CDC42BPB: variants seen among roughly 807,000 people sequenced by gnomAD.
The protein encoded by CDC42BPB is CDC42 binding protein kinase beta, also known as serine/threonine-protein kinase MRCK beta.
In CDC42BPB, 37 loss-of-function variants were observed where a neutral mutation model predicts 214.9. The observed-to-expected ratio is 0.17, with a 90% confidence interval of 0.13 to 0.23. CDC42BPB has a LOEUF of 0.23. Ranked by LOEUF, CDC42BPB falls within the 10% of genes least tolerant of loss-of-function variation. The pLI, the probability that CDC42BPB is intolerant of heterozygous loss-of-function variation, is 1.00. For missense variants in CDC42BPB, 1,694 were observed against 2,227.0 expected (o/e 0.76, Z 4.82); for synonymous variants, 931 against 884.0 (o/e 1.05, Z -0.94).
At position 102,939,575 on chromosome 14, in the gene CDC42BPB, G is replaced by T. The variant is rs781591159; in HGVS notation, c.4827+35C>A. 9.5e-6 allele frequency: 14 copies of T among 1,471,478 alleles called. No individual in the cohort carries two copies. In the East Asian group the frequency reaches 2.9e-4, roughly 31 times the overall value. The allele number at this position is 1,471,478 out of a possible 1,614,324, so 91.2% of individuals were successfully genotyped here. ...GCCTGAGCGGGGAGGAGGAGATGGG[G>T]TGCCCTGCCCGCCCTATCCCGGCCG... is the stretch of plus-strand genomic sequence containing the variant. On this transcript the variant is annotated intron_variant, in intron 34 of 36. Transcript: ENST00000361246.
chr14:103,056,957 G>C, intron 1 of CDC42BPB, 42 bp downstream of exon 1: 1 of 1,296,158 alleles, frequency 7.7e-7, no homozygotes, highest in Non-Finnish European at 1.0e-6. Context: ...GGGGCGCGGG[G>C]GTCGCAGAGC....
At chr14:102,984,507 T>C (rs1894146490) in intron 6 of CDC42BPB, among the ~76,000 whole-genome samples, 1 of 152,102 alleles carries the variant, frequency 6.6e-6, no homozygotes, top group Non-Finnish European at 1.5e-5. Context: ...AGACCGCTCC[T>C]ACCCCCGCAA....
At chr14:103,035,848 T>A (rs1887633923) in intron 1 of CDC42BPB, among the ~76,000 whole-genome samples, 3 of 148,516 alleles carry the variant, frequency 2.0e-5, no homozygotes, top group South Asian at 4.3e-4. Flanking sequence ...TCAAAAAAAA[T>A]AAAAAATAAA....
chr14:102,958,975 G>A (rs1442631543), intron 21 of CDC42BPB, among the ~76,000 whole-genome samples: 2 of 79,040 alleles, frequency 2.5e-5, no homozygotes, highest in Non-Finnish European at 5.1e-5. Context: ...ACCCATCCCA[G>A]TGTGAGAATT....
At chr14:102,977,818 G>A (rs1386841403) in intron 9 of CDC42BPB, among the ~76,000 whole-genome samples, 3 of 152,160 alleles carry the variant, frequency 2.0e-5, no homozygotes, top group Non-Finnish European at 1.5e-5. Context: ...GCACCATCAC[G>A]AGCATGAATG....
At chr14:103,011,539 G>GT (rs1461775832) in intron 2 of CDC42BPB, among the ~76,000 whole-genome samples, 1 of 152,196 alleles carries the variant, frequency 6.6e-6, no homozygotes, top group Non-Finnish European at 1.5e-5. Context: ...GAGGCCAGGA[G>GT]TTTGAGACCA....
intron 29 of CDC42BPB, 81 bp downstream of exon 29, chr14:102,945,581 A>C: frequency 3.1e-6 from 4 of 1,270,814 alleles, no homozygotes; most frequent in Non-Finnish European, 4.6e-6. Context: ...CTTAACCCTT[A>C]GGAGCTACTG....
rs1365230903 is a variant in CDC42BPB at position 102,971,949 on chromosome 14, T to C, written c.1854A>G (p.Glu618=). 1 of 1,614,220 alleles carries C rather than the reference T, an allele frequency of 6.2e-7. No individual in the cohort carries two copies. Among genetic ancestry groups the C allele is most frequent in the African/African-American group, 1.3e-5 (1 of 75,060 alleles). The change falls in exon 13 of 37, where the codon GAA becomes GAG. Residue 618 remains glutamate, a synonymous_variant. Coordinates refer to ENST00000361246, the MANE Select transcript of CDC42BPB (RefSeq NM_006035.4). Reference sequence around the variant, plus strand: ...TCCTGAGCTTCTCAGCTCTCCGCATTTCCTGCCGCATGGCGTCCACCTTCT... The same window carrying C: ...TCCTGAGCTTCTCAGCTCTCCGCATCTCCTGCCGCATGGCGTCCACCTTCT... ...ATQKVDAMRQ[E]MRRAEKLRKE... is the part of the protein sequence containing the mutation.
intron 29 of CDC42BPB, chr14:102,945,029 C>A (rs1892091530): frequency 9.8e-6 from 3 of 306,516 alleles, no homozygotes. Flanking sequence ...ACACGGCCCC[C>A]AGGCTAACCC....
intron 1 of CDC42BPB, among the ~76,000 whole-genome samples, chr14:103,042,398 C>T (rs1888053074): frequency 6.6e-6 from 1 of 152,108 alleles, no homozygotes; most frequent in Non-Finnish European, 1.5e-5. Flanking sequence ...CAAGGCTCCG[C>T]CTCCCGGGTT....
intron 5 of CDC42BPB, among the ~76,000 whole-genome samples, chr14:102,987,788 A>ACACACACACACACACACACAC (rs1894312194): frequency 7.1e-6 from 1 of 140,760 alleles, no homozygotes; most frequent in African/African-American, 2.7e-5. Context: ...CAAACACACA[A>ACACACACACACACACACACAC]ACACACACAC....
At chr14:103,039,360 G>T (rs1046065801) in intron 1 of CDC42BPB, among the ~76,000 whole-genome samples, 8 of 148,018 alleles carry the variant, frequency 5.4e-5, no homozygotes, top group Non-Finnish European at 1.2e-4. Flanking sequence ...ATGAATAGAT[G>T]CCAAAATCTT....
rs1895134315 is a variant in CDC42BPB at position 103,004,298 on chromosome 14, C to T, written c.352-275G>A. The T allele has an allele frequency of 4.5e-6, 3 of 668,468 alleles. No homozygotes were observed. Among genetic ancestry groups the T allele is most frequent in the South Asian group, 6.7e-5 (2 of 30,004 alleles). The allele number at this position is 668,468 out of a possible 1,614,324, so 41.4% of individuals were successfully genotyped here. ...TTCTGTGGCTGACACTTAGATTCAC[C>T]CCACCCTTATGTGGATTCCTGACTG... On this transcript the variant is annotated intron_variant, in intron 3 of 36. Coordinates refer to ENST00000361246, the MANE Select transcript of CDC42BPB (RefSeq NM_006035.4). This position sits in a 1 kb window ranked among gnomAD's most constrained non-coding sequence, Gnocchi z 5.3.
rs771002666 is a variant in CDC42BPB at position 102,944,387 on chromosome 14, G to A, written c.3912C>T (p.His1304=). ...ILLCGRNHHV[H]LYPWSSLDGA... ...CATCAAGGGACGACCACGGATAGAG[G>A]TGCACATGGTGGTTCCGGCCACAGA... is the stretch of plus-strand genomic sequence containing the variant. The change falls in exon 30 of 37, where the codon CAC becomes CAT. Residue 1304 remains histidine, a synonymous_variant. Coordinates refer to ENST00000361246, the MANE Select transcript of CDC42BPB (RefSeq NM_006035.4). This position sits in a 1 kb window ranked among gnomAD's most constrained non-coding sequence, Gnocchi z 6.6. 6.2e-7 allele frequency: 1 copy of A among 1,613,158 alleles called. No homozygotes were observed. Among genetic ancestry groups the A allele is most frequent in the East Asian group, 2.2e-5 (1 of 44,886 alleles).
At chr14:103,015,329 A>C (rs892241944) in intron 1 of CDC42BPB, among the ~76,000 whole-genome samples, 2 of 152,172 alleles carry the variant, frequency 1.3e-5, no homozygotes, top group African/African-American at 4.8e-5. Context: ...ACTGGTGTAT[A>C]AAAATAATTA....
At chr14:102,977,574 G>A (rs879665126) in intron 9 of CDC42BPB, among the ~76,000 whole-genome samples, 3 of 152,134 alleles carry the variant, frequency 2.0e-5, no homozygotes, top group Non-Finnish European at 2.9e-5. Flanking sequence ...GGCCCATTTG[G>A]GACAGGGGCC....
rs772766652 is a variant in CDC42BPB at position 102,939,756 on chromosome 14, A to G, written c.4710-29T>C. 3.7e-6 allele frequency: 6 copies of G among 1,614,120 alleles called. No homozygotes were observed. The Admixed American group carries it at 1.0e-4, about 27-fold the overall frequency. Reference sequence around the variant, plus strand: ...GGGAAAGGACACACTTTTGAGATTCATGGATACGTGAGAATCCTCTTGGCC... The same window carrying G: ...GGGAAAGGACACACTTTTGAGATTCGTGGATACGTGAGAATCCTCTTGGCC... On this transcript the variant is annotated intron_variant, in intron 33 of 36. Transcript: ENST00000361246.
chr14:103,049,430 T>C (rs1308717520), intron 1 of CDC42BPB, among the ~76,000 whole-genome samples: 1 of 152,236 alleles, frequency 6.6e-6, no homozygotes, highest in Non-Finnish European at 1.5e-5. Context: ...GTGAGAGAAA[T>C]CAACCTGATT....
At chr14:102,963,602 G>A (rs954020501) in intron 19 of CDC42BPB, among the ~76,000 whole-genome samples, 7 of 152,252 alleles carry the variant, frequency 4.6e-5, no homozygotes, top group African/African-American at 1.7e-4. Context: ...GAGGAAGTCA[G>A]GCTGCCACGG....
Sources: gnomAD v4.1 joint callset for allele counts (sites outside exome capture counted in the v4.1 genomes callset) on GRCh38, gnomAD v4.1.1 for gene constraint, Gnocchi (gnomAD v3.1) non-coding constraint, MANE v1.5 for transcripts, NCBI Gene and HGNC (gene_info 2026-07-23, HGNC 2026-07-21) for gene names.